The following CDC14B variants were observed in gnomAD, a reference collection of about 807,000 sequenced individuals.
CDC14B encodes cell division cycle 14B.
CDC14B carries 22 observed loss-of-function variants against 64.2 expected under a neutral mutation model. The observed-to-expected ratio is 0.34, with a 90% CI of 0.24 to 0.49. The LOEUF is 0.49. CDC14B is among the 20% of genes least tolerant of loss of function. The probability of loss-of-function intolerance (pLI) is 0.99; values close to 1 mark genes in which losing one functional copy is unlikely to be tolerated. For missense variants in CDC14B, 498 were observed against 629.9 expected (o/e 0.79, Z 2.24); for synonymous variants, 191 against 215.8 (o/e 0.89, Z 1.01).
chr9:96,536,167 T>C (rs1333217796), intron 7 of CDC14B, among the ~76,000 whole-genome samples: 1 of 152,168 alleles, frequency 6.6e-6, no homozygotes, highest in African/African-American at 2.4e-5. Flanking sequence ...TACACTATAA[T>C]AACTGAACTG....
intron 1 of CDC14B, among the ~76,000 whole-genome samples, chr9:96,600,867 C>A (rs539519363): frequency 5.3e-5 from 8 of 152,132 alleles, no homozygotes; most frequent in African/African-American, 1.9e-4. Context: ...GGATGGTGTC[C>A]ACAACTCCTA....
intron 7 of CDC14B, chr9:96,538,806 G>A (rs1839638444): frequency 7.0e-6 from 2 of 286,406 alleles, no homozygotes; most frequent in South Asian, 5.5e-5. Flanking sequence ...CAGAGGATAA[G>A]TAAATTCTGG....
At chr9:96,522,392 A>G in intron 12 of CDC14B, 114 bp downstream of exon 12, 1 of 753,422 alleles carries the variant, frequency 1.3e-6, no homozygotes, top group Admixed American at 2.0e-5. Flanking sequence ...CAAGCATTTC[A>G]AAGTGGCATC....
chr9:96,605,103 T>C (rs955912326), intron 1 of CDC14B, among the ~76,000 whole-genome samples: 5 of 151,982 alleles, frequency 3.3e-5, no homozygotes, highest in Non-Finnish European at 7.4e-5. Context: ...ATAGTGACAA[T>C]AACACATTCA....
At position 96,539,274 on chromosome 9, in the gene CDC14B, G is replaced by C. The variant is rs113845166; in HGVS notation, c.565-134C>G. On this transcript the variant is annotated intron_variant, in intron 6 of 13. Transcript: ENST00000375241. ...TGATCAGATTACTTTCCACTGAACA[G>C]CTTTCAAAGGAAGTGGGCGGCGTCT... 2.6e-3 allele frequency: 1,593 copies of C among 613,186 alleles called. 22 individuals carry two copies. Among genetic ancestry groups the C allele is most frequent in the African/African-American group, 0.025 (1,348 of 53,996 alleles). 38.0% of individuals were successfully genotyped at this position (613,186 alleles called of 1,614,324 possible).
In CDC14B at chr9:96,522,310, T is replaced by C. The variant is rs1242536849; in HGVS notation, c.1343+196A>G. Among the ~76,000 whole-genome samples, 4 of 152,296 alleles carry C rather than the reference T, an allele frequency of 2.6e-5. No individual in the cohort carries two copies. In the East Asian group the frequency reaches 7.7e-4, roughly 29 times the overall value. On this transcript the variant is annotated intron_variant, in intron 12 of 13. Coordinates refer to ENST00000375241, the MANE Select transcript of CDC14B (RefSeq NM_033331.4). The stretch of plus-strand genomic sequence containing the variant: ...TCGCCTTCCCACCCATAAAGGCTCA[T>C]GAGGACCAAGGTAAACAAGGGACAG...
rs746956747 is a variant in CDC14B, at chr9:96,619,338, G to A, written c.41C>T (p.Ala14Val). 1.7e-5 allele frequency: 21 copies of A among 1,271,034 alleles called. No homozygotes were observed. Among genetic ancestry groups the A allele is most frequent in the Non-Finnish European group, 2.1e-5 (21 of 1,004,892 alleles). 78.7% of individuals were successfully genotyped at this position (1,271,034 alleles called of 1,614,324 possible). Residue 14 changes from alanine to valine, a missense_variant, in exon 1 of 14, where the codon GCG becomes GTG. Transcript: ENST00000375241. ...KSERRSSWAA[A>V]PPCSRRCSST... The stretch of plus-strand genomic sequence containing the variant: ...CGAGCAGCGCCGCGAGCAGGGGGGC[G>A]CGGCGGCCCAGCTCGACCGCCGCTC...
intron 1 of CDC14B, among the ~76,000 whole-genome samples, chr9:96,601,121 A>C (rs954821465): frequency 2.0e-5 from 3 of 152,166 alleles, no homozygotes; most frequent in Admixed American, 6.6e-5. Context: ...TATATGCGAC[A>C]TAGCAAGACT....
intron 13 of CDC14B, among the ~76,000 whole-genome samples, chr9:96,505,812 A>G (rs1458368114): frequency 6.6e-6 from 1 of 152,092 alleles, no homozygotes; most frequent in Non-Finnish European, 1.5e-5. Context: ...GCCACATGAG[A>G]TTTAGGTTTC....
chr9:96,608,740 T>C lies in CDC14B; in HGVS notation c.160+10479A>G, dbSNP rs79118831. Among the ~76,000 whole-genome samples the C allele has an allele frequency of 2.4e-4, 37 of 152,178 alleles. 1 individual carries two copies. In the East Asian group the frequency reaches 6.6e-3, roughly 27 times the overall value. ...CTCTGGGATAGCAAGAGATCCAAAT[T>C]AGAGATATAGAACTAATTGAAATGT... On this transcript the variant is annotated intron_variant, in intron 1 of 13. Transcript: ENST00000375241.
intron 12 of CDC14B, among the ~76,000 whole-genome samples, chr9:96,511,785 G>A (rs1413900347): frequency 6.6e-6 from 1 of 152,174 alleles, no homozygotes; most frequent in Non-Finnish European, 1.5e-5. Flanking sequence ...CTGATATGTT[G>A]AATGTTCTAA....
At chr9:96,542,921 T>G (rs1163446452) in intron 5 of CDC14B, among the ~76,000 whole-genome samples, 2 of 151,750 alleles carry the variant, frequency 1.3e-5, no homozygotes, top group Non-Finnish European at 2.9e-5. Context: ...AGGCAGAGAA[T>G]TGCTTGAACA....
At chr9:96,579,693 GAGGCCTC>G (rs1845026028) in intron 1 of CDC14B, among the ~76,000 whole-genome samples, 1 of 152,138 alleles carries the variant, frequency 6.6e-6, no homozygotes, top group Non-Finnish European at 1.5e-5. Flanking sequence ...GCCAAGGACA[GAGGCCTC>G]AGCAGAAGCC....
intron 1 of CDC14B, among the ~76,000 whole-genome samples, chr9:96,589,456 T>A (rs1024180351): frequency 4.6e-5 from 7 of 152,236 alleles, no homozygotes; most frequent in African/African-American, 1.4e-4. Context: ...ACAATTCTAA[T>A]TTCATATTTC....
At position 96,515,302 on chromosome 9, in the gene CDC14B, C is replaced by T. The variant is rs949954564; in HGVS notation, c.1344-5513G>A. Among the ~76,000 whole-genome samples the T allele has an allele frequency of 6.6e-6, 1 of 150,948 alleles. No homozygotes were observed. Among genetic ancestry groups the T allele is most frequent in the Non-Finnish European group, 1.5e-5 (1 of 67,656 alleles). ...TATAGCCAACTGACGAAAATAAAAC[C>T]ACCCCAATTATCCTAAGCTAACTAC... is the stretch of plus-strand genomic sequence containing the variant. On this transcript the variant is annotated intron_variant, in intron 12 of 13. Coordinates refer to ENST00000375241, the MANE Select transcript of CDC14B (RefSeq NM_033331.4). This position sits in a 1 kb window ranked among gnomAD's most constrained non-coding sequence, Gnocchi z 4.3.
chr9:96,608,864 T>C (rs750965453), intron 1 of CDC14B, among the ~76,000 whole-genome samples: 4 of 149,648 alleles, frequency 2.7e-5, no homozygotes, highest in Non-Finnish European at 4.4e-5. Context: ...AATGACACTA[T>C]TCCCTGTTGT....
At chr9:96,586,146 T>C (rs1238802755) in intron 1 of CDC14B, among the ~76,000 whole-genome samples, 1 of 151,902 alleles carries the variant, frequency 6.6e-6, no homozygotes, top group Admixed American at 6.6e-5. Context: ...TTTTACTGTA[T>C]GCAAATTACA....
chr9:96,558,104 T>C (rs1451183669), intron 4 of CDC14B, among the ~76,000 whole-genome samples: 1 of 152,176 alleles, frequency 6.6e-6, no homozygotes, highest in African/African-American at 2.4e-5. Context: ...AGTAAGTTGA[T>C]CTTATGGAGG....
chr9:96,518,860 GGT>G (rs1380796495), intron 12 of CDC14B, among the ~76,000 whole-genome samples: 15 of 152,082 alleles, frequency 9.9e-5, no homozygotes, highest in Non-Finnish European at 4.4e-5. Flanking sequence ...TTTCCGGCCG[GGT>G]GCAGTGGCTC....
Sources: gnomAD v4.1 joint callset for allele counts (sites outside exome capture counted in the v4.1 genomes callset) on GRCh38, gnomAD v4.1.1 for gene constraint, Gnocchi (gnomAD v3.1) non-coding constraint, MANE v1.5 for transcripts, NCBI Gene and HGNC (gene_info 2026-07-23, HGNC 2026-07-21) for gene names.